Variants in C10orf53 observed in about 807,000 individuals in gnomAD.
The protein encoded by C10orf53 is chromosome 10 open reading frame 53.
In C10orf53, 8 loss-of-function variants were observed where a neutral mutation model predicts 9.4. The ratio of observed to expected loss-of-function variants is 0.85; its 90% CI spans 0.50 to 1.53. C10orf53 has a LOEUF of 1.53. Among genes scored for constraint, C10orf53 ranks in the 40% most tolerant of loss-of-function variants. The pLI, the probability that C10orf53 is intolerant of heterozygous loss-of-function variation, is 0.00. For synonymous variants in C10orf53, 48 were observed against 46.0 expected (o/e 1.04, Z -0.18); for missense variants, 117 against 117.8 (o/e 0.99, Z 0.03).
Position 49,707,127 on chromosome 10 carries a change from C to T in C10orf53, c.218-1234C>T, listed in dbSNP as rs151327037. 1.8e-3 allele frequency among the ~76,000 whole-genome samples: 272 copies of T among 147,400 alleles called. 1 individual carries two copies. The highest frequency in any genetic ancestry group is 5.7e-3 in the African/African-American group (228 of 39,860). ...TTCATCAATGATCTAGCCTTGGTCA[C>T]CTGCCTCACATGGACCATCTCAGAT... On this transcript the variant is annotated intron_variant, in intron 2 of 2. Coordinates refer to the C10orf53 transcript ENST00000374112.
downstream of C10orf53, among the ~76,000 whole-genome samples, chr10:49,699,141 A>T (rs1840660440): frequency 7.4e-6 from 1 of 134,682 alleles, no homozygotes; most frequent in Non-Finnish European, 1.6e-5. Context: ...ATATGTCAAG[A>T]TTTATCATTT....
chr10:49,698,550 T>G (rs533863958), downstream of C10orf53, among the ~76,000 whole-genome samples: 2 of 152,178 alleles, frequency 1.3e-5, no homozygotes, highest in African/African-American at 2.4e-5. Context: ...ACATCTCAAC[T>G]GGTGACAATC....
At chr10:49,681,178 G>A (rs909547714) in intron 1 of C10orf53, among the ~76,000 whole-genome samples, 15 of 152,120 alleles carry the variant, frequency 9.9e-5, no homozygotes, top group South Asian at 2.1e-4. Context: ...ATGTGCTTTC[G>A]GCTACCTAGA....
At chr10:49,685,856 G>A (rs572930239) in intron 1 of C10orf53, among the ~76,000 whole-genome samples, 2 of 152,216 alleles carry the variant, frequency 1.3e-5, no homozygotes, top group Non-Finnish European at 2.9e-5. Context: ...TCTTGGATAG[G>A]TATTTTCATG....
intron 2 of C10orf53, among the ~76,000 whole-genome samples, chr10:49,706,554 C>T (rs1840723627): frequency 6.6e-6 from 1 of 151,978 alleles, no homozygotes; most frequent in South Asian, 2.1e-4. Flanking sequence ...TTAGTGGTTG[C>T]ACAGCACTGG....
At chr10:49,704,418 C>T (rs1481783228) in intron 2 of C10orf53, among the ~76,000 whole-genome samples, 1 of 152,124 alleles carries the variant, frequency 6.6e-6, no homozygotes, top group Non-Finnish European at 1.5e-5. Context: ...TGTTTAACCT[C>T]ATTCTTAATA....
chr10:49,694,471 G>T lies in C10orf53; in HGVS notation c.218-67G>T, dbSNP rs1315950521. On this transcript the variant is annotated intron_variant, in intron 2 of 2. Transcript: ENST00000374111. ...AATGCACTCTGGGTGGAAGCCATAG[G>T]TATGTCTGATATGATAACAAATTGT... 1.9e-5 allele frequency: 30 copies of T among 1,597,080 alleles called. 1 individual carries two copies. Among genetic ancestry groups the T allele is most frequent in the Non-Finnish European group, 2.4e-5 (28 of 1,166,170 alleles).
chr10:49,686,755 C>G (rs897142086), intron 1 of C10orf53, among the ~76,000 whole-genome samples: 1 of 152,200 alleles, frequency 6.6e-6, no homozygotes, highest in Non-Finnish European at 1.5e-5. Flanking sequence ...TGTCTGCTCT[C>G]GAACCCTGTT....
intron 1 of C10orf53, among the ~76,000 whole-genome samples, chr10:49,684,977 G>A (rs1225579230): frequency 6.6e-6 from 1 of 152,170 alleles, no homozygotes; most frequent in Non-Finnish European, 1.5e-5. Flanking sequence ...TCAGTTGAAG[G>A]CCTTAAGAGA....
At chr10:49,683,972 A>G (rs1476156487) in intron 1 of C10orf53, among the ~76,000 whole-genome samples, 1 of 152,240 alleles carries the variant, frequency 6.6e-6, no homozygotes, top group African/African-American at 2.4e-5. Context: ...AGAGTTTTAT[A>G]ATTCCTAAAT....
rs145486829 is a variant in C10orf53, at chr10:49,708,458, G to A, written c.315G>A (p.Leu105=). Reference sequence around the variant, plus strand: ...CGTGTAGGATGAAAGTTTCTCCTTTGCAACAGTTCCCACAAAAGACCCAGG... The same window carrying A: ...CGTGTAGGATGAAAGTTTCTCCTTTACAACAGTTCCCACAAAAGACCCAGG... The change falls in exon 3 of 3, where the codon TTG becomes TTA. Residue 105 remains leucine (L), a synonymous_variant. Transcript: ENST00000374112. 7 of 1,613,994 alleles carry A rather than the reference G, an allele frequency of 4.3e-6. No individual in the cohort carries two copies. In the African/African-American group the frequency reaches 8.0e-5, roughly 18 times the overall value.
chr10:49,708,302 A>C, intron 2 of C10orf53: 1 of 1,589,300 alleles, frequency 6.3e-7, no homozygotes. Flanking sequence ...AGTCGACAAC[A>C]GCAGGACTCT....
At chr10:49,694,070 C>T (rs926524130) in intron 2 of C10orf53, 177 bp downstream of exon 2, 3 of 810,832 alleles carry the variant, frequency 3.7e-6, no homozygotes, top group Non-Finnish European at 5.8e-6. Context: ...GTATCCAAAA[C>T]CACACAGTAA....
At chr10:49,700,863 C>T (rs1019442544), downstream of C10orf53, among the ~76,000 whole-genome samples, 9 of 152,198 alleles carry the variant, frequency 5.9e-5, no homozygotes, top group Non-Finnish European at 1.0e-4. Flanking sequence ...GCCCCCATCC[C>T]TCCTGTCCAC....
intron 2 of C10orf53, chr10:49,694,255 A>G: frequency 1.7e-6 from 1 of 587,260 alleles, no homozygotes; most frequent in Non-Finnish European, 3.0e-6. Flanking sequence ...TGTTTATTCT[A>G]TCTAGACTTG....
intron 1 of C10orf53, among the ~76,000 whole-genome samples, chr10:49,680,405 A>C (rs1266039201): frequency 6.6e-6 from 1 of 152,234 alleles, no homozygotes. Flanking sequence ...TGGAGCCTTA[A>C]ATGAGCCCAC....
intron 1 of C10orf53, among the ~76,000 whole-genome samples, chr10:49,681,305 G>A (rs369888337): frequency 1.9e-4 from 29 of 152,314 alleles, no homozygotes; most frequent in Non-Finnish European, 2.6e-4. Context: ...GAGAGCCCAG[G>A]AATGACCATT....
chr10:49,701,729 C>T (rs1175483698), downstream of C10orf53, among the ~76,000 whole-genome samples: 1 of 150,952 alleles, frequency 6.6e-6, no homozygotes, highest in African/African-American at 2.4e-5. Context: ...TCCCACCACT[C>T]CCACCCCCAT....
chr10:49,698,529 A>G (rs1840655035), downstream of C10orf53, among the ~76,000 whole-genome samples: 1 of 152,216 alleles, frequency 6.6e-6, no homozygotes, highest in East Asian at 1.9e-4. Flanking sequence ...CATTACAGTT[A>G]GAGAAAGAGA....
Sources: gnomAD v4.1 joint callset for allele counts (sites outside exome capture counted in the v4.1 genomes callset) on GRCh38, gnomAD v4.1.1 for gene constraint, MANE v1.5 for transcripts, NCBI Gene and HGNC (gene_info 2026-07-23, HGNC 2026-07-21) for gene names.